RERE: variants seen among roughly 807,000 people sequenced by gnomAD.
RERE encodes arginine-glutamic acid dipeptide repeats protein.
RERE carries 40 observed loss-of-function variants against 146.1 expected under a neutral mutation model. The observed-to-expected ratio is 0.27, with a 90% CI of 0.21 to 0.36. The LOEUF (loss-of-function observed/expected upper bound fraction) is 0.36, where lower values mean the gene tolerates loss of function less well. RERE is among the 10% of genes least tolerant of loss of function. The probability of loss-of-function intolerance (pLI) is 1.00; values close to 1 mark genes in which losing one functional copy is unlikely to be tolerated. For synonymous variants in RERE, 1,003 were observed against 866.0 expected, an observed-to-expected ratio of 1.16 and a Z score of -2.78; for missense variants, 1,933 against 2,138.7, an observed-to-expected ratio of 0.90 and a Z score of 1.90.
intron 2 of RERE, among the ~76,000 whole-genome samples, chr1:8,627,805 T>G (rs529451661): frequency 6.6e-6 from 1 of 152,280 alleles, no homozygotes; most frequent in East Asian, 1.9e-4. Context: ...CTATGTTCTT[T>G]CATTTCCCGC....
At chr1:8,771,743 T>C (rs182184924) in intron 1 of RERE, among the ~76,000 whole-genome samples, 1 of 151,714 alleles carries the variant, frequency 6.6e-6, no homozygotes, top group Non-Finnish European at 1.5e-5. Flanking sequence ...GCCCCGTCTC[T>C]ACTAAAAATA....
rs1364959674 is a variant in RERE at position 8,358,647 on chromosome 1, G to A, written c.3888C>T (p.Asp1296=). The change falls in exon 20 of 23, where the codon GAC becomes GAT. Residue 1296 remains aspartate (D), a synonymous_variant. Transcript: ENST00000400908. ...GGAGCTCCCGCTCGCGGATGGTGGG[G>A]TCGACGTTGTAGAGGCCAGGCATGT... ...AYHMPGLYNV[D]PTIRERELRE... is the part of the protein sequence containing the mutation. 20 of 1,585,358 alleles carry A rather than the reference G, an allele frequency of 1.3e-5. 1 individual carries two copies. Among genetic ancestry groups the A allele is most frequent in the African/African-American group, 2.7e-5 (2 of 74,310 alleles).
Position 8,361,172 on chromosome 1 carries a change from G to C in RERE, c.2335C>G (p.Pro779Ala). 6.9e-7 allele frequency: 1 copy of C among 1,459,690 alleles called. No individual in the cohort carries two copies. Among genetic ancestry groups the C allele is most frequent in the Non-Finnish European group, 9.0e-7 (1 of 1,111,902 alleles). The allele number at this position is 1,459,690 out of a possible 1,614,324, so 90.4% of individuals were successfully genotyped here. A position where few individuals can be genotyped will look rare whatever the true frequency, so the allele number is the denominator to read the frequency against. ...TGGTTAGGGGCCTGGGAGGCCGTGG[G>C]GGAGCCCTGTGGGGGAACTGCAGTG... is the stretch of plus-strand genomic sequence containing the variant. The part of the protein sequence containing the change: ...SATAVPPQGS[P>A]TASQAPNQPQ... Residue 779 changes from proline (P) to alanine (A), a missense_variant, in exon 18 of 23, where the codon CCC (proline) becomes GCC (alanine). By Grantham distance (27) the Pro-to-Ala change is conservative. This residue lies in a region of RERE where 1,255 missense variants were observed against 1,153.8 expected (regional missense o/e 1.09). Transcript: ENST00000400908.
At chr1:8,429,136 A>G (rs1644059156) in intron 11 of RERE, among the ~76,000 whole-genome samples, 1 of 152,226 alleles carries the variant, frequency 6.6e-6, no homozygotes, top group South Asian at 2.1e-4. Flanking sequence ...TAAAGGCTCT[A>G]ATGCACTAGC....
intron 2 of RERE, among the ~76,000 whole-genome samples, chr1:8,640,401 G>A (rs1030088184): frequency 1.3e-5 from 2 of 152,022 alleles, no homozygotes; most frequent in African/African-American, 4.8e-5. Context: ...CCTTCAAAGG[G>A]ATATAAAACT....
chr1:8,629,364 T>C (rs1570536037), intron 2 of RERE, among the ~76,000 whole-genome samples: 1 of 152,160 alleles, frequency 6.6e-6, no homozygotes, highest in East Asian at 1.9e-4. Context: ...ACAGAGGTAT[T>C]TCTGGCTGTT....
At position 8,764,533 on chromosome 1, in the gene RERE, T is replaced by C. The variant is rs557954984; in HGVS notation, c.-145+52627A>G. On this transcript the variant is annotated intron_variant, in intron 1 of 22. Coordinates refer to ENST00000400908, the MANE Select transcript of RERE (RefSeq NM_001042681.2). ...AGTGTGGTCAGAAAGGAAGTCTAGA[T>C]AAACAATCACAACAACAGAGTGGGC... Among the ~76,000 whole-genome samples, 4 of 152,260 alleles carry C rather than the reference T, an allele frequency of 2.6e-5. No homozygotes were observed. The South Asian group carries it at 8.3e-4, about 32-fold the overall frequency.
At chr1:8,649,747 T>G (rs868112623) in intron 2 of RERE, among the ~76,000 whole-genome samples, 11 of 144,570 alleles carry the variant, frequency 7.6e-5, no homozygotes, top group Non-Finnish European at 1.2e-4. Context: ...AAAAAAAAAA[T>G]GTATATATAT....
intron 7 of RERE, among the ~76,000 whole-genome samples, chr1:8,537,361 C>T (rs191281844): frequency 1.3e-5 from 2 of 152,166 alleles, no homozygotes; most frequent in Admixed American, 6.5e-5. Context: ...ATGTAACACC[C>T]CAGCAGTGTT....
At chr1:8,663,373 C>T (rs1233290391) in intron 1 of RERE, among the ~76,000 whole-genome samples, 1 of 152,134 alleles carries the variant, frequency 6.6e-6, no homozygotes, top group Non-Finnish European at 1.5e-5. Context: ...GTAAGACATA[C>T]TTATATTTTT....
chr1:8,458,451 C>A (rs370894706), intron 11 of RERE, among the ~76,000 whole-genome samples: 1 of 152,118 alleles, frequency 6.6e-6, no homozygotes, highest in Non-Finnish European at 1.5e-5. Flanking sequence ...CAAAAGTACT[C>A]TTCGATTTAA....
At chr1:8,606,358 C>T (rs1646708388) in intron 4 of RERE, among the ~76,000 whole-genome samples, 1 of 151,848 alleles carries the variant, frequency 6.6e-6, no homozygotes, top group South Asian at 2.1e-4. Flanking sequence ...AATTTATGTT[C>T]CAGGAAATTT....
intron 1 of RERE, among the ~76,000 whole-genome samples, chr1:8,734,008 T>C (rs1166906254): frequency 6.7e-6 from 1 of 148,506 alleles, no homozygotes; most frequent in Admixed American, 6.8e-5. Flanking sequence ...CTCGGGAGGC[T>C]GATGCAGGAG....
intron 7 of RERE, among the ~76,000 whole-genome samples, chr1:8,539,492 G>A (rs752881415): frequency 9.2e-5 from 14 of 151,720 alleles, no homozygotes; most frequent in Non-Finnish European, 1.3e-4. Context: ...TGCAACCTCC[G>A]CCTCCCGGGT....
At chr1:8,593,207 C>T (rs562488128) in intron 4 of RERE, among the ~76,000 whole-genome samples, 2 of 152,252 alleles carry the variant, frequency 1.3e-5, no homozygotes, top group South Asian at 2.1e-4. Context: ...TTGTTAGGCA[C>T]GGCTACTGGA....
chr1:8,804,606 A>T (rs920147318), intron 1 of RERE, among the ~76,000 whole-genome samples: 3 of 152,194 alleles, frequency 2.0e-5, no homozygotes, highest in African/African-American at 7.2e-5. Context: ...TGATTCCGTT[A>T]TAATCGAAGG....
intron 4 of RERE, among the ~76,000 whole-genome samples, chr1:8,606,019 T>A (rs1646704365): frequency 6.6e-6 from 1 of 151,944 alleles, no homozygotes; most frequent in African/African-American, 2.4e-5. Flanking sequence ...TCTTTCTTTG[T>A]TGCCCAGGCT....
chr1:8,684,986 T>C (rs566241537), intron 1 of RERE, among the ~76,000 whole-genome samples: 18 of 152,138 alleles, frequency 1.2e-4, no homozygotes, highest in African/African-American at 3.9e-4. Flanking sequence ...GTCTTCCAAG[T>C]AACTGGGACC....
intron 1 of RERE, among the ~76,000 whole-genome samples, chr1:8,719,832 C>T (rs1252576670): frequency 1.3e-5 from 2 of 152,098 alleles, no homozygotes; most frequent in Non-Finnish European, 2.9e-5. Context: ...ACCTCTCTAC[C>T]CTCCATATAA....
Sources: gnomAD v4.1 joint callset for allele counts (sites outside exome capture counted in the v4.1 genomes callset) on GRCh38, gnomAD v4.1.1 for gene constraint, gnomAD v4.1.1 regional missense constraint, MANE v1.5 for transcripts, NCBI Gene and HGNC (gene_info 2026-07-23, HGNC 2026-07-21) for gene names.